Variants in EDN1 observed in about 807,000 individuals in gnomAD.
The protein encoded by EDN1 is endothelin-1.
In EDN1, 11 loss-of-function variants were observed where a neutral mutation model predicts 21.7. That is an observed-to-expected ratio of 0.51 (90% confidence interval 0.32 to 0.84). The LOEUF is 0.84. Among genes scored for constraint, EDN1 ranks in the 40% least tolerant of loss-of-function variants. EDN1 has a pLI of 0.03. For synonymous variants in EDN1, 85 were observed against 90.6 expected, an observed-to-expected ratio of 0.94 and a Z score of 0.35; for missense variants, 244 against 262.3, an observed-to-expected ratio of 0.93 and a Z score of 0.48.
the EDN1 span, among the ~76,000 whole-genome samples, chr6:12,247,427 A>G: frequency 6.6e-6 from 1 of 152,128 alleles, no homozygotes; most frequent in Admixed American, 6.6e-5. Flanking sequence ...AGGGAGTTCT[A>G]GACCAGATCA....
upstream of EDN1, among the ~76,000 whole-genome samples, chr6:12,289,130 A>C (rs1762614756): frequency 1.3e-5 from 2 of 152,144 alleles, no homozygotes; most frequent in Non-Finnish European, 2.9e-5. Context: ...CCCTGTGTGT[A>C]CTTCAGGGGG....
At chr6:12,247,202 G>A in the EDN1 span, among the ~76,000 whole-genome samples, 3 of 152,190 alleles carry the variant, frequency 2.0e-5, no homozygotes, top group African/African-American at 7.2e-5. Flanking sequence ...CCAGGCCACA[G>A]CATCTACTTG....
At chr6:12,242,380 C>T in the EDN1 span, among the ~76,000 whole-genome samples, 2 of 152,080 alleles carry the variant, frequency 1.3e-5, no homozygotes, top group Non-Finnish European at 2.9e-5. Context: ...GAGTAGTGAC[C>T]TCTGAAGAGT....
chr6:12,280,441 A>G, the EDN1 span, among the ~76,000 whole-genome samples: 1 of 152,210 alleles, frequency 6.6e-6, no homozygotes, highest in Non-Finnish European at 1.5e-5. Context: ...ATTTTATTTA[A>G]TAATATTTAA....
chr6:12,251,031 T>C, the EDN1 span, among the ~76,000 whole-genome samples: 3 of 152,300 alleles, frequency 2.0e-5, no homozygotes, highest in East Asian at 5.8e-4. Flanking sequence ...GGAAATTGCC[T>C]CTAAAATTAT....
the EDN1 span, among the ~76,000 whole-genome samples, chr6:12,282,633 A>G: frequency 6.6e-6 from 1 of 152,112 alleles, no homozygotes; most frequent in Admixed American, 6.5e-5. Flanking sequence ...TTTAAAAGTA[A>G]GTCTTCAGTA....
At chr6:12,267,432 T>C in the EDN1 span, among the ~76,000 whole-genome samples, 2 of 152,312 alleles carry the variant, frequency 1.3e-5, no homozygotes, top group South Asian at 4.1e-4. Context: ...AGATTGTTGA[T>C]ATGGAGAAAG....
At chr6:12,241,743 T>C in the EDN1 span, among the ~76,000 whole-genome samples, 1 of 152,332 alleles carries the variant, frequency 6.6e-6, no homozygotes, top group South Asian at 2.1e-4. Context: ...ATCCTATGAG[T>C]AACACTTTTT....
chr6:12,289,708 A>T (rs963280476), upstream of EDN1, among the ~76,000 whole-genome samples: 1 of 152,202 alleles, frequency 6.6e-6, no homozygotes, highest in Non-Finnish European at 1.5e-5. Context: ...GCATGTGCCT[A>T]AACGAGCTCT....
chr6:12,254,086 A>T, the EDN1 span, among the ~76,000 whole-genome samples: 1,707 of 152,224 alleles, frequency 0.011, 26 homozygotes, highest in African/African-American at 0.039. Context: ...CCATCTGATT[A>T]TAACATTATT....
the EDN1 span, among the ~76,000 whole-genome samples, chr6:12,275,881 T>C: frequency 6.6e-6 from 1 of 151,624 alleles, no homozygotes; most frequent in African/African-American, 2.4e-5. Flanking sequence ...ATAAGAATCG[T>C]GCCGGGCATG....
the EDN1 span, among the ~76,000 whole-genome samples, chr6:12,246,637 G>T: frequency 8.8e-6 from 1 of 113,258 alleles, no homozygotes; most frequent in African/African-American, 3.2e-5. Context: ...TCCTCCTTTT[G>T]TATAATCGTT....
upstream of EDN1, among the ~76,000 whole-genome samples, chr6:12,287,633 A>T (rs1762575578): frequency 6.6e-6 from 1 of 151,818 alleles, no homozygotes; most frequent in Non-Finnish European, 1.5e-5. Flanking sequence ...ACACACAAAG[A>T]AAAAGACACG....
intron 1 of EDN1, 87 bp from the exon 2 acceptor site, chr6:12,292,254 T>C: frequency 5.1e-6 from 8 of 1,569,754 alleles, no homozygotes; most frequent in Non-Finnish European, 7.0e-6. Flanking sequence ...TTTTATCTGC[T>C]CTGCTAGCTC....
the EDN1 span, among the ~76,000 whole-genome samples, chr6:12,262,344 G>A: frequency 2.6e-5 from 4 of 152,126 alleles, no homozygotes; most frequent in South Asian, 6.2e-4. Flanking sequence ...TGCCTTGAGG[G>A]AGCAAGAGGC....
intron 1 of EDN1, among the ~76,000 whole-genome samples, chr6:12,291,896 G>C (rs1762691414): frequency 6.6e-6 from 1 of 152,228 alleles, no homozygotes; most frequent in Admixed American, 6.5e-5. Context: ...ATCCTGAATG[G>C]GGAAGTGGCC....
chr6:12,254,823 A>G, the EDN1 span, among the ~76,000 whole-genome samples: 1 of 152,184 alleles, frequency 6.6e-6, no homozygotes, highest in Non-Finnish European at 1.5e-5. Flanking sequence ...AGAAAGGACA[A>G]CAGATATCAA....
At chr6:12,232,542 C>G in the EDN1 span, among the ~76,000 whole-genome samples, 1 of 152,164 alleles carries the variant, frequency 6.6e-6, no homozygotes, top group South Asian at 2.1e-4. Flanking sequence ...TGTATTTTCT[C>G]TGAGCCAAGC....
chr6:12,241,832 T>C, the EDN1 span, among the ~76,000 whole-genome samples: 1 of 152,174 alleles, frequency 6.6e-6, no homozygotes, highest in Non-Finnish European at 1.5e-5. Context: ...GCAAATTGCA[T>C]CAACATACTT....
Sources: gnomAD v4.1 joint callset for allele counts (sites outside exome capture counted in the v4.1 genomes callset) on GRCh38, gnomAD v4.1.1 for gene constraint, MANE v1.5 for transcripts, NCBI Gene and HGNC (gene_info 2026-07-23, HGNC 2026-07-21) for gene names.